Variants in MAP4K3 observed in about 807,000 individuals in gnomAD.
The protein encoded by MAP4K3 is MAPK/ERK kinase kinase kinase 3.
MAP4K3 carries 94 observed loss-of-function variants against 143.5 expected under a neutral mutation model. The ratio of observed to expected loss-of-function variants is 0.65; its 90% CI spans 0.55 to 0.78. The LOEUF is 0.78. MAP4K3 is among the 30% of genes least tolerant of loss of function. The pLI is 0.00. For synonymous variants in MAP4K3, 416 were observed against 347.2 expected (o/e 1.20, Z -2.20); for missense variants, 1,077 against 1,068.1 (o/e 1.01, Z -0.12).
intron 1 of MAP4K3, among the ~76,000 whole-genome samples, chr2:39,415,279 G>A (rs1164594492): frequency 1.3e-5 from 2 of 152,178 alleles, no homozygotes; most frequent in Non-Finnish European, 1.5e-5. Context: ...TATGCTTACT[G>A]ATATGACTTT....
intron 1 of MAP4K3, among the ~76,000 whole-genome samples, chr2:39,393,012 T>G (rs1666710341): frequency 6.6e-6 from 1 of 152,220 alleles, no homozygotes; most frequent in African/African-American, 2.4e-5. Context: ...AAGAACCACT[T>G]CTCTAAGTAA....
chr2:39,313,558 C>A (rs1683014564), intron 13 of MAP4K3, among the ~76,000 whole-genome samples: 1 of 151,986 alleles, frequency 6.6e-6, no homozygotes, highest in African/African-American at 2.4e-5. Context: ...GTCGCCAAGG[C>A]TGCAGTGCAG....
chr2:39,354,335 T>G (rs1224200739), intron 3 of MAP4K3, among the ~76,000 whole-genome samples: 1 of 152,072 alleles, frequency 6.6e-6, no homozygotes, highest in African/African-American at 2.4e-5. Context: ...TCCCAGCTAC[T>G]CGGAAGGTGA....
At chr2:39,341,502 T>C (rs56962434) in intron 4 of MAP4K3, among the ~76,000 whole-genome samples, 2,351 of 151,296 alleles carry the variant, frequency 0.016, 60 homozygotes, top group African/African-American at 0.054. Context: ...ACTAAAAATA[T>C]AAAAATTAGC....
chr2:39,373,720 G>A (rs1416541337), intron 2 of MAP4K3, among the ~76,000 whole-genome samples: 1 of 152,222 alleles, frequency 6.6e-6, no homozygotes, highest in African/African-American at 2.4e-5. Context: ...TCATTTATCT[G>A]TGGGAGCTAA....
At chr2:39,426,635 G>T (rs1665096195) in intron 1 of MAP4K3, among the ~76,000 whole-genome samples, 1 of 151,754 alleles carries the variant, frequency 6.6e-6, no homozygotes, top group African/African-American at 2.4e-5. Context: ...GGTGAATCTT[G>T]GAAAGGATGT....
chr2:39,390,015 A>G (rs1666609742), intron 1 of MAP4K3, among the ~76,000 whole-genome samples: 1 of 152,190 alleles, frequency 6.6e-6, no homozygotes, highest in Admixed American at 6.5e-5. Context: ...GAGTTAGTGA[A>G]TAATTTGGGG....
intron 28 of MAP4K3, among the ~76,000 whole-genome samples, chr2:39,262,703 TA>T (rs1680616295): frequency 6.6e-6 from 1 of 152,216 alleles, no homozygotes; most frequent in Non-Finnish European, 1.5e-5. Context: ...GCAGCAATTG[TA>T]TCTAATGTAT....
intron 7 of MAP4K3, 93 bp from the exon 8 acceptor site, chr2:39,332,082 TAA>T: frequency 1.6e-6 from 1 of 635,196 alleles, no homozygotes; most frequent in Non-Finnish European, 2.6e-6. Flanking sequence ...TTATTTTTAT[TAA>T]GTTAATTTTA....
chr2:39,315,470 A>C (rs1683084750), intron 12 of MAP4K3, 82 bp from the exon 13 acceptor site: 1 of 939,612 alleles, frequency 1.1e-6, no homozygotes, highest in Non-Finnish European at 1.6e-6. Context: ...AAATAGGAAA[A>C]AATACTTCAT....
chr2:39,328,797 T>C (rs941732059), intron 8 of MAP4K3, among the ~76,000 whole-genome samples: 2 of 152,202 alleles, frequency 1.3e-5, no homozygotes, highest in African/African-American at 4.8e-5. Flanking sequence ...AATGGAACTC[T>C]AGTAAGTGAT....
intron 13 of MAP4K3, among the ~76,000 whole-genome samples, chr2:39,311,574 T>A (rs965392488): frequency 1.3e-5 from 2 of 152,208 alleles, no homozygotes; most frequent in African/African-American, 2.4e-5. Flanking sequence ...AAGATAAAGC[T>A]TCTGTCTTGG....
At position 39,251,850 on chromosome 2, in the gene MAP4K3, G is replaced by C; in HGVS notation, c.2577C>G (p.Phe859Leu). The stretch of plus-strand genomic sequence containing the variant: ...CATACCTGTCAGATCCAAGCAGCCT[G>C]AAAATTCTTGTGCTATCTGAAATTT... The part of the protein sequence containing the change: ...TQEISDSTRI[F>L]RLLGSDRVVV... The change falls in exon 33 of 34, where the codon TTC becomes TTG. Residue 859 changes from phenylalanine to leucine, a missense_variant. Around this residue, in one of 2 missense-constraint regions of MAP4K3, gnomAD observed 864 missense variants for 801.2 expected, o/e 1.08. Coordinates refer to ENST00000263881, the MANE Select transcript of MAP4K3 (RefSeq NM_003618.4). 6.2e-7 allele frequency: 1 copy of C among 1,613,650 alleles called. No individual in the cohort carries two copies. The highest frequency in any genetic ancestry group is 8.5e-7 in the Non-Finnish European group (1 of 1,179,774).
chr2:39,373,221 T>A (rs1010303566), intron 2 of MAP4K3, among the ~76,000 whole-genome samples: 3 of 152,040 alleles, frequency 2.0e-5, no homozygotes, highest in African/African-American at 7.2e-5. Context: ...GAAATGCAAA[T>A]CAAAACTATA....
At chr2:39,421,462 G>C (rs1438819967) in intron 1 of MAP4K3, among the ~76,000 whole-genome samples, 3 of 147,308 alleles carry the variant, frequency 2.0e-5, no homozygotes, top group African/African-American at 5.0e-5. Flanking sequence ...CCACCCACAT[G>C]GGCCTCCCAA....
intron 3 of MAP4K3, among the ~76,000 whole-genome samples, chr2:39,345,921 CA>C (rs66729858): frequency 0.046 from 734 of 15,804 alleles, 1 homozygote; most frequent in African/African-American, 0.13. Context: ...GACTCTGTCT[CA>C]AAAAAAAAAA....
chr2:39,432,601 T>C (rs1293435575), intron 1 of MAP4K3, among the ~76,000 whole-genome samples: 1 of 152,210 alleles, frequency 6.6e-6, no homozygotes, highest in East Asian at 1.9e-4. Context: ...TCATATTCCT[T>C]ATCCGTTAGG....
At chr2:39,270,955 G>A (rs1474188885) in intron 26 of MAP4K3, among the ~76,000 whole-genome samples, 5 of 152,016 alleles carry the variant, frequency 3.3e-5, no homozygotes, top group Non-Finnish European at 7.4e-5. Flanking sequence ...ATTTGTGGCT[G>A]TTACTATTAA....
At chr2:39,262,739 G>A (rs768123147) in intron 28 of MAP4K3, among the ~76,000 whole-genome samples, 3 of 152,056 alleles carry the variant, frequency 2.0e-5, no homozygotes, top group Non-Finnish European at 4.4e-5. Flanking sequence ...TAAATAACAC[G>A]GTGCCTTGCC....
Sources: allele counts gnomAD v4.1 joint callset (sites outside exome capture counted in the v4.1 genomes callset), GRCh38; gene constraint gnomAD v4.1.1; regional missense constraint gnomAD v4.1.1; transcripts MANE v1.5; gene names NCBI Gene and HGNC (gene_info 2026-07-23, HGNC 2026-07-21).